Variants in SPAG9 observed in about 807,000 individuals in gnomAD.
The protein encoded by SPAG9 is sperm associated antigen 9.
A neutral mutation model predicts 166.5 loss-of-function variants in SPAG9; 35 were observed. That is an observed-to-expected ratio of 0.21 (90% CI 0.16 to 0.28). The LOEUF (loss-of-function observed/expected upper bound fraction) is 0.28. Ranked by LOEUF, SPAG9 falls within the 10% of genes least tolerant of loss-of-function variation. The probability of loss-of-function intolerance (pLI) is 1.00; values close to 1 mark genes in which losing one functional copy is unlikely to be tolerated. For missense variants in SPAG9, 1,235 were observed against 1,603.3 expected, an observed-to-expected ratio of 0.77 and a Z score of 3.92; for synonymous variants, 534 against 565.5, an observed-to-expected ratio of 0.94 and a Z score of 0.79.
intron 1 of SPAG9, among the ~76,000 whole-genome samples, chr17:51,087,733 T>A (rs1228654912): frequency 1.3e-5 from 2 of 152,078 alleles, no homozygotes; most frequent in Non-Finnish European, 2.9e-5. Flanking sequence ...AATTTTTAAT[T>A]TTCATTTACT....
chr17:50,999,776 C>T, intron 13 of SPAG9, 59 bp from the exon 14 acceptor site: 4 of 1,469,698 alleles, frequency 2.7e-6, no homozygotes, highest in Non-Finnish European at 3.8e-6. Context: ...ACCTTTCTTT[C>T]TGAAGAACAA....
chr17:51,114,340 T>C (rs1202241635), intron 1 of SPAG9, among the ~76,000 whole-genome samples: 1 of 148,334 alleles, frequency 6.7e-6, no homozygotes, highest in Non-Finnish European at 1.5e-5. Context: ...AATAAATTTT[T>C]TAAAAAATGG....
chr17:51,079,557 A>G (rs937736489), intron 2 of SPAG9, 27 bp downstream of exon 2: 1 of 1,609,700 alleles, frequency 6.2e-7, no homozygotes. Context: ...TCTTTAGTGT[A>G]CTTATGAGAA....
intron 27 of SPAG9, chr17:50,975,201 C>A: frequency 8.3e-6 from 3 of 361,826 alleles, no homozygotes; most frequent in South Asian, 5.3e-5. Context: ...TTAAACACAT[C>A]TATTCATTTA....
chr17:51,060,057 T>A (rs1055681049), intron 2 of SPAG9, among the ~76,000 whole-genome samples: 1 of 152,102 alleles, frequency 6.6e-6, no homozygotes, highest in Non-Finnish European at 1.5e-5. Flanking sequence ...CTGGATCTGA[T>A]TGTCAAGTCA....
chr17:50,964,098 T>C lies in SPAG9; in HGVS notation c.*2174A>G, dbSNP rs1308835664. Reference sequence around the variant, plus strand: ...TCACAATCTAGCCTAATCGTGTATATGCATAAAAGCCACTGGTATACTTTT... The same window carrying C: ...TCACAATCTAGCCTAATCGTGTATACGCATAAAAGCCACTGGTATACTTTT... On this transcript the variant is annotated 3_prime_UTR_variant, in exon 30 of 30. Transcript: ENST00000262013. 2.6e-5 allele frequency: 4 copies of C among 152,206 alleles called. No individual in the cohort carries two copies. The highest frequency in any genetic ancestry group is 4.4e-5 in the Non-Finnish European group (3 of 68,034). 9.4% of individuals were successfully genotyped at this position (152,206 alleles called of 1,614,324 possible).
intron 2 of SPAG9, among the ~76,000 whole-genome samples, chr17:51,067,165 C>T (rs897921136): frequency 6.6e-6 from 1 of 151,828 alleles, no homozygotes; most frequent in African/African-American, 2.4e-5. Flanking sequence ...ACACATACAC[C>T]AAGATCAAAT....
intron 5 of SPAG9, among the ~76,000 whole-genome samples, chr17:51,037,866 ATAGCACTT>A (rs2046681039): frequency 6.6e-6 from 1 of 151,576 alleles, no homozygotes; most frequent in South Asian, 2.1e-4. Context: ...TGTCCAGCCT[ATAGCACTT>A]TTATAATATG....
chr17:51,013,541 A>G (rs1271260838), intron 9 of SPAG9, among the ~76,000 whole-genome samples: 1 of 152,202 alleles, frequency 6.6e-6, no homozygotes, highest in Non-Finnish European at 1.5e-5. Flanking sequence ...ACACGCACAC[A>G]AGGGGTCAGC....
At position 50,978,016 on chromosome 17, in the gene SPAG9, T is replaced by C. The variant is rs1009247751; in HGVS notation, c.3410-795A>G. 1.7e-4 allele frequency among the ~76,000 whole-genome samples: 26 copies of C among 152,268 alleles called. 1 individual carries two copies. Among genetic ancestry groups the C allele is most frequent in the Admixed American group, 1.3e-4 (2 of 15,290 alleles). On this transcript the variant is annotated intron_variant, in intron 26 of 29. Transcript: ENST00000262013. ...AAATCTATACTTTTCCCCTCATTTATATACTTAGGTTCTAAAGCAGTTTAA... is the reference window on the plus strand; with the variant it reads ...AAATCTATACTTTTCCCCTCATTTACATACTTAGGTTCTAAAGCAGTTTAA...
At chr17:51,003,888 T>C (rs1012217801) in intron 12 of SPAG9, among the ~76,000 whole-genome samples, 1 of 152,242 alleles carries the variant, frequency 6.6e-6, no homozygotes, top group Non-Finnish European at 1.5e-5. Context: ...ACCTGGAGAC[T>C]TCTACTGTAA....
Position 50,988,949 on chromosome 17 carries a change from T to C in SPAG9, c.2813+728A>G, listed in dbSNP as rs114500200. 2.6e-3 allele frequency among the ~76,000 whole-genome samples: 393 copies of C among 152,084 alleles called. 3 individuals are homozygous for C. The highest frequency in any genetic ancestry group is 8.5e-3 in the African/African-American group (352 of 41,472). On this transcript the variant is annotated intron_variant, in intron 21 of 29. Coordinates refer to ENST00000262013, the MANE Select transcript of SPAG9 (RefSeq NM_001130528.3). Reference sequence around the variant, plus strand: ...CTTGTACAATGGCAGATTTAAACAATGGCCAATTTTGCTGATAACTGGAGT... The same window carrying C: ...CTTGTACAATGGCAGATTTAAACAACGGCCAATTTTGCTGATAACTGGAGT...
At chr17:51,059,059 G>A (rs547169438) in intron 2 of SPAG9, among the ~76,000 whole-genome samples, 1 of 152,120 alleles carries the variant, frequency 6.6e-6, no homozygotes, top group African/African-American at 2.4e-5. Context: ...ACTGTACAAC[G>A]TGAATAAACA....
At chr17:51,095,092 G>C (rs560648515) in intron 1 of SPAG9, among the ~76,000 whole-genome samples, 1 of 150,386 alleles carries the variant, frequency 6.6e-6, no homozygotes, top group Non-Finnish European at 1.5e-5. Context: ...TCAGGAGATC[G>C]AGACCATCCT....
At chr17:51,086,644 C>A (rs1439146515) in intron 1 of SPAG9, among the ~76,000 whole-genome samples, 1 of 151,552 alleles carries the variant, frequency 6.6e-6, no homozygotes. Context: ...TGGAGCAAGA[C>A]TCTGTCTCCA....
chr17:51,041,420 C>T, intron 5 of SPAG9, 81 bp downstream of exon 5: 2 of 1,315,448 alleles, frequency 1.5e-6, no homozygotes, highest in Non-Finnish European at 2.1e-6. Flanking sequence ...TTTTACTATA[C>T]TGTGGTCGTC....
chr17:51,074,989 G>A (rs1029073637), intron 2 of SPAG9, among the ~76,000 whole-genome samples: 1 of 151,896 alleles, frequency 6.6e-6, no homozygotes, highest in East Asian at 1.9e-4. Context: ...CTGAGGTCAG[G>A]AGTTCAAGAC....
At chr17:50,985,580 AC>A (rs1291541007) in intron 23 of SPAG9, 117 bp downstream of exon 23, 1 of 605,396 alleles carries the variant, frequency 1.7e-6, no homozygotes, top group African/African-American at 1.9e-5. Flanking sequence ...GGTTAAAAAA[AC>A]AAACAAATTG....
At chr17:51,046,523 C>T (rs1014293036) in intron 4 of SPAG9, 17 of 1,535,904 alleles carry the variant, frequency 1.1e-5, no homozygotes, top group Non-Finnish European at 1.1e-5. Context: ...GTAGGTTCTG[C>T]GTCAGAGCTG....
Sources: allele counts gnomAD v4.1 joint callset (sites outside exome capture counted in the v4.1 genomes callset), GRCh38; gene constraint gnomAD v4.1.1; transcripts MANE v1.5; gene names NCBI Gene and HGNC (gene_info 2026-07-23, HGNC 2026-07-21).